The following PMS2 variants were observed in gnomAD, a reference collection of about 807,000 sequenced individuals.
PMS2 encodes mismatch repair endonuclease PMS2.
In PMS2, 69 loss-of-function variants were observed where a neutral mutation model predicts 90.0. The observed-to-expected ratio is 0.77, with a 90% CI of 0.63 to 0.94. PMS2 has a LOEUF of 0.94. Among genes scored for constraint, PMS2 ranks in the 40% least tolerant of loss-of-function variants. The pLI, the probability that PMS2 is intolerant of heterozygous loss-of-function variation, is 0.00. For missense variants in PMS2, 966 were observed against 1,040.2 expected, an observed-to-expected ratio of 0.93 and a Z score of 0.98; for synonymous variants, 332 against 375.1, an observed-to-expected ratio of 0.89 and a Z score of 1.33.
intron 14 of PMS2, among the ~76,000 whole-genome samples, 178 bp downstream of exon 14, chr7:5,977,410 C>T (rs1419616175): frequency 2.0e-5 from 3 of 146,366 alleles, no homozygotes; most frequent in South Asian, 2.2e-4. Flanking sequence ...TTCAAGGTCA[C>T]AGAGAACGCA....
chr7:5,997,071 G>A (rs971888720), intron 7 of PMS2, among the ~76,000 whole-genome samples: 2 of 152,006 alleles, frequency 1.3e-5, no homozygotes, highest in South Asian at 2.1e-4. Flanking sequence ...AAAATTAGCC[G>A]GGTGTGGTGG....
At chr7:6,003,568 C>T (rs1368060678) in intron 4 of PMS2, 122 bp downstream of exon 4, 2 of 676,500 alleles carry the variant, frequency 3.0e-6, no homozygotes, top group Non-Finnish European at 5.3e-6. Flanking sequence ...CGAGACAAAA[C>T]AGAATTCAGA....
At chr7:6,006,097 T>C in intron 1 of PMS2, 66 bp from the exon 2 acceptor site, 4 of 1,555,092 alleles carry the variant, frequency 2.6e-6, no homozygotes, top group Non-Finnish European at 3.5e-6. Flanking sequence ...TGATTTTAAC[T>C]GTGGGAAATG....
At chr7:5,993,314 T>C (rs1278141278) in intron 8 of PMS2, among the ~76,000 whole-genome samples, 5 of 132,392 alleles carry the variant, frequency 3.8e-5, no homozygotes, top group Non-Finnish European at 7.6e-5. Flanking sequence ...GAGCTTGCAG[T>C]GAGCCAAGAT....
chr7:5,991,867 T>C, intron 9 of PMS2, 106 bp downstream of exon 9: 2 of 716,946 alleles, frequency 2.8e-6, no homozygotes, highest in African/African-American at 1.8e-5. Context: ...AAAACTTACA[T>C]GACCATAAAT....
intron 8 of PMS2, among the ~76,000 whole-genome samples, chr7:5,992,326 C>CT (rs1289731218): frequency 1.4e-4 from 20 of 146,166 alleles, no homozygotes; most frequent in Middle Eastern, 7.1e-3. Context: ...ATTTTTTTTT[C>CT]TTTTTTTTTT....
intron 1 of PMS2, 133 bp from the exon 2 acceptor site, chr7:6,006,164 T>A: frequency 1.0e-6 from 1 of 999,018 alleles, no homozygotes; most frequent in South Asian, 1.3e-5. Flanking sequence ...TATTAGCAAA[T>A]ACATTTATTA....
chr7:5,986,966 A>G lies in PMS2; in HGVS notation c.1799T>C (p.Met600Thr). ...AGCTACATCAACCTGAGAGGCTGAC[A>G]TGTCCTGAGTATTTACTAACTTTTG... is the stretch of plus-strand genomic sequence containing the variant. ...ICQKLVNTQD[M>T]SASQVDVAVK... is the part of the protein sequence containing the mutation. Residue 600 changes from methionine to threonine, a missense_variant, in exon 11 of 15, where the codon ATG becomes ACG. This residue lies in a region of PMS2 where 871 missense variants were observed against 802.4 expected (regional missense o/e 1.09). Transcript: ENST00000265849. 6.2e-7 allele frequency: 1 copy of G among 1,614,084 alleles called. No homozygotes were observed. Among genetic ancestry groups the G allele is most frequent in the Non-Finnish European group, 8.5e-7 (1 of 1,179,922 alleles).
intron 7 of PMS2, among the ~76,000 whole-genome samples, chr7:5,996,723 T>TC (rs1784453004): frequency 6.6e-6 from 1 of 151,462 alleles, no homozygotes; most frequent in Non-Finnish European, 1.5e-5. Flanking sequence ...GCCAGGAAAG[T>TC]CAAAATCATT....
chr7:5,988,436 T>C (rs887608636), intron 10 of PMS2, among the ~76,000 whole-genome samples: 2 of 152,000 alleles, frequency 1.3e-5, no homozygotes, highest in Non-Finnish European at 2.9e-5. Flanking sequence ...AATGCACTTA[T>C]AATCCCAGCT....
rs538240899 is a variant in PMS2 at position 5,996,306 on chromosome 7, A to G, written c.804-673T>C. Among the ~76,000 whole-genome samples the G allele has an allele frequency of 3.3e-5, 5 of 150,548 alleles. No individual in the cohort carries two copies. In the South Asian group the frequency reaches 1.1e-3, roughly 33 times the overall value. ...TGGTGGCTCATGCCTGTAATTCCAG[A>G]GCCTTGAGAGGCCAAGGTGGGTGGA... On this transcript the variant is annotated intron_variant, in intron 7 of 14. Coordinates refer to ENST00000265849, the MANE Select transcript of PMS2 (RefSeq NM_000535.7).
rs2128675666 is a variant in PMS2, at chr7:5,977,740, C to T, written c.2293G>A (p.Ala765Thr). ...IDENAPVTER[A>T]KLISLPTSKN... Reference sequence around the variant, plus strand: ...CTAGTTGGCAAGGAAATCAGTTTAGCCCTTTCAGTGACTGGAGCTAAAAGA... The same window carrying T: ...CTAGTTGGCAAGGAAATCAGTTTAGTCCTTTCAGTGACTGGAGCTAAAAGA... The change falls in exon 14 of 15, where the codon GCT becomes ACT. Residue 765 changes from alanine (A) to threonine (T), a missense_variant. Ala to Thr is a moderately conservative substitution (Grantham distance 58). Coordinates refer to ENST00000265849, the MANE Select transcript of PMS2 (RefSeq NM_000535.7). The T allele has an allele frequency of 6.2e-7, 1 of 1,606,236 alleles. No homozygotes were observed. Among genetic ancestry groups the T allele is most frequent in the Non-Finnish European group, 8.5e-7 (1 of 1,174,712 alleles).
rs1783546106 is a variant in PMS2 at position 5,989,928 on chromosome 7, T to C, written c.1016A>G (p.Asp339Gly). 6.2e-7 allele frequency: 1 copy of C among 1,610,712 alleles called. No homozygotes were observed. Among genetic ancestry groups the C allele is most frequent in the Non-Finnish European group, 8.5e-7 (1 of 1,177,554 alleles). ...CTCTTGTAGCAAAATTTGCCTTTTA[T>C]CTGGAGTAACATTGATATCAACGCA... ...SECVDINVTPDKRQILLQEEK... is the reference protein window; with the variant it reads ...SECVDINVTPGKRQILLQEEK... The change falls in exon 10 of 15, where the codon GAT (aspartate) becomes GGT (glycine). Residue 339 changes from aspartate to glycine, a missense_variant. This residue lies in a region of PMS2 where 871 missense variants were observed against 802.4 expected (regional missense o/e 1.09). Coordinates refer to ENST00000265849, the MANE Select transcript of PMS2 (RefSeq NM_000535.7).
At position 5,986,742 on chromosome 7, in the gene PMS2, A is replaced by T; in HGVS notation, c.2006+17T>A. The stretch of plus-strand genomic sequence containing the variant: ...ATTTTAGATAAAAAGAGAAAAAGTA[A>T]AAAATTAAAACTTTACCTTATCTCT... On this transcript the variant is annotated intron_variant, in intron 11 of 14. Coordinates refer to ENST00000265849, the MANE Select transcript of PMS2 (RefSeq NM_000535.7). 6.5e-7 allele frequency: 1 copy of T among 1,544,586 alleles called. No homozygotes were observed. Among genetic ancestry groups the T allele is most frequent in the Non-Finnish European group, 8.7e-7 (1 of 1,147,798 alleles).
chr7:6,004,436 C>T (rs1161613321), intron 2 of PMS2: 1 of 200,252 alleles, frequency 5.0e-6, no homozygotes, highest in South Asian at 8.1e-5. Context: ...AGAACGGGGA[C>T]CGGGTGCAGT....
chr7:6,009,021 G>T lies in PMS2; in HGVS notation c.-2C>A, dbSNP rs876658209. ...CCTCGAGCTCTCAGCTCGCTCCATG[G>T]ATGCAACACCCGATCCGCCTCGGGG... On this transcript the variant is annotated 5_prime_UTR_variant, in exon 1 of 15. Transcript: ENST00000265849. 6.2e-7 allele frequency: 1 copy of T among 1,612,586 alleles called. No individual in the cohort carries two copies. Among genetic ancestry groups the T allele is most frequent in the Non-Finnish European group, 8.5e-7 (1 of 1,179,836 alleles).
intron 8 of PMS2, among the ~76,000 whole-genome samples, chr7:5,993,434 T>TGC (rs1783999138): frequency 1.5e-5 from 2 of 129,516 alleles, no homozygotes; most frequent in Non-Finnish European, 3.3e-5. Context: ...GTACAATGTG[T>TGC]TGCTAAGATA....
At chr7:5,989,291 T>A (rs915735649) in intron 10 of PMS2, among the ~76,000 whole-genome samples, 9 of 151,278 alleles carry the variant, frequency 5.9e-5, no homozygotes, top group Non-Finnish European at 1.2e-4. Context: ...ATTAGCCAGG[T>A]GTGGTGGTGG....
chr7:5,998,989 C>CAA (rs11289444), intron 6 of PMS2, 119 bp downstream of exon 6: 136 of 861,434 alleles, frequency 1.6e-4, no homozygotes, highest in East Asian at 2.4e-4. Flanking sequence ...GACTCCCTCT[C>CAA]AAAAAAAAAA....
Sources: allele counts gnomAD v4.1 joint callset (sites outside exome capture counted in the v4.1 genomes callset), GRCh38; gene constraint gnomAD v4.1.1; regional missense constraint gnomAD v4.1.1; transcripts MANE v1.5; gene names NCBI Gene and HGNC (gene_info 2026-07-23, HGNC 2026-07-21).